Variants in ANO3 observed in about 807,000 individuals in gnomAD.
ANO3 encodes anoctamin-3.
A neutral mutation model predicts 144.8 loss-of-function variants in ANO3; 99 were observed. The observed-to-expected ratio is 0.68, with a 90% CI of 0.58 to 0.81. ANO3 has a LOEUF of 0.81. Ranked by LOEUF, ANO3 falls within the 30% of genes least tolerant of loss-of-function variation. The pLI is 0.00. For missense variants in ANO3, 905 were observed against 1,202.2 expected (o/e 0.75, Z 3.66); for synonymous variants, 414 against 392.6 (o/e 1.05, Z -0.64).
intron 17 of ANO3, among the ~76,000 whole-genome samples, chr11:26,611,732 G>C (rs61878600): frequency 0.031 from 4,661 of 152,158 alleles, 104 homozygotes; most frequent in Non-Finnish European, 0.049. Context: ...TTGTATTGTA[G>C]TCTGTCTTTC....
chr11:26,642,806 TC>T (rs1590669057), intron 22 of ANO3, among the ~76,000 whole-genome samples: 3 of 149,860 alleles, frequency 2.0e-5, no homozygotes, highest in South Asian at 4.4e-4. Context: ...TCTTTCTTCT[TC>T]TTTTTCCTCC....
chr11:26,232,781 T>C (rs1232936096), intron 1 of ANO3, among the ~76,000 whole-genome samples: 1 of 152,086 alleles, frequency 6.6e-6, no homozygotes, highest in East Asian at 1.9e-4. Flanking sequence ...CATTGACAAA[T>C]GGGATCTAAT....
chr11:26,207,223 CAAT>C (rs1230758301), intron 1 of ANO3, among the ~76,000 whole-genome samples: 1 of 151,830 alleles, frequency 6.6e-6, no homozygotes, highest in African/African-American at 2.4e-5. Flanking sequence ...AAATAGTAAT[CAAT>C]AAAGAAGGCA....
intron 1 of ANO3, among the ~76,000 whole-genome samples, chr11:26,337,583 C>T (rs1855226301): frequency 6.6e-6 from 1 of 152,106 alleles, no homozygotes; most frequent in East Asian, 1.9e-4. Flanking sequence ...ATAATTTAAA[C>T]TCAAACCCTT....
At chr11:26,514,700 A>G (rs993472142) in intron 5 of ANO3, among the ~76,000 whole-genome samples, 4 of 152,102 alleles carry the variant, frequency 2.6e-5, no homozygotes, top group Non-Finnish European at 5.9e-5. Context: ...ATTTCAAACG[A>G]AGGATCTTTG....
At chr11:26,191,523 G>A (rs955216340) in intron 1 of ANO3, among the ~76,000 whole-genome samples, 8 of 151,984 alleles carry the variant, frequency 5.3e-5, no homozygotes, top group African/African-American at 1.4e-4. Flanking sequence ...AATATTTCCC[G>A]AAGCACAACT....
At chr11:26,618,986 A>G (rs546693120) in intron 17 of ANO3, among the ~76,000 whole-genome samples, 5 of 152,344 alleles carry the variant, frequency 3.3e-5, no homozygotes, top group Non-Finnish European at 7.3e-5. Flanking sequence ...TGAAGAATTA[A>G]GCAATCCATT....
chr11:26,611,121 A>C (rs951340441), intron 17 of ANO3, among the ~76,000 whole-genome samples: 1 of 152,052 alleles, frequency 6.6e-6, no homozygotes, highest in African/African-American at 2.4e-5. Flanking sequence ...TTCAAAAGTC[A>C]CTATTGTATT....
upstream of ANO3, among the ~76,000 whole-genome samples, chr11:26,304,779 A>G (rs1854334476): frequency 6.6e-6 from 1 of 152,204 alleles, no homozygotes; most frequent in Non-Finnish European, 1.5e-5. Flanking sequence ...AACATCAGTT[A>G]ATCCATCTTT....
At chr11:26,438,444 C>T (rs554994903) in intron 1 of ANO3, among the ~76,000 whole-genome samples, 23 of 151,486 alleles carry the variant, frequency 1.5e-4, no homozygotes, top group Non-Finnish European at 3.2e-4. Context: ...CAATGGAATC[C>T]CTATCATAAT....
intron 1 of ANO3, among the ~76,000 whole-genome samples, chr11:26,256,523 A>G (rs1364896574): frequency 9.2e-5 from 14 of 152,046 alleles, no homozygotes; most frequent in South Asian, 2.1e-4. Context: ...TACTAACTAT[A>G]TAAGTTAGAC....
At chr11:26,626,179 T>A (rs192090907) in intron 18 of ANO3, among the ~76,000 whole-genome samples, 115 of 152,340 alleles carry the variant, frequency 7.5e-4, no homozygotes, top group African/African-American at 2.4e-3. Flanking sequence ...GATTTCACAA[T>A]GATGTACTTT....
At chr11:26,638,511 G>T (rs1436920386) in intron 20 of ANO3, among the ~76,000 whole-genome samples, 2 of 152,206 alleles carry the variant, frequency 1.3e-5, no homozygotes, top group Non-Finnish European at 2.9e-5. Flanking sequence ...AGGAGACTGG[G>T]GAGATAGGAA....
At chr11:26,281,270 A>G (rs1184394943) in intron 1 of ANO3, among the ~76,000 whole-genome samples, 1 of 152,168 alleles carries the variant, frequency 6.6e-6, no homozygotes, top group Non-Finnish European at 1.5e-5. Flanking sequence ...TATAGTTGGC[A>G]CACAATTTCT....
chr11:26,365,369 C>T (rs1396113290), intron 1 of ANO3, among the ~76,000 whole-genome samples: 1 of 152,196 alleles, frequency 6.6e-6, no homozygotes, highest in South Asian at 2.1e-4. Context: ...CTGGGGGACA[C>T]TGGCCCCCTT....
At chr11:26,429,594 T>A (rs1301134820) in intron 1 of ANO3, among the ~76,000 whole-genome samples, 1 of 152,092 alleles carries the variant, frequency 6.6e-6, no homozygotes, top group East Asian at 1.9e-4. Flanking sequence ...ACCTACCTGT[T>A]AAAAGAATAA....
chr11:26,501,534 C>T (rs1861193969), intron 4 of ANO3, among the ~76,000 whole-genome samples: 1 of 151,518 alleles, frequency 6.6e-6, no homozygotes, highest in Non-Finnish European at 1.5e-5. Context: ...TGCCATGTTA[C>T]AGAGCATGGC....
chr11:26,242,973 C>T (rs1322125085), intron 1 of ANO3, among the ~76,000 whole-genome samples: 1 of 152,134 alleles, frequency 6.6e-6, no homozygotes, highest in Non-Finnish European at 1.5e-5. Context: ...ATATCATCAT[C>T]ACTTAAGGAG....
intron 25 of ANO3, 21 bp from the exon 26 acceptor site, chr11:26,656,355 C>T (rs760052741): frequency 3.9e-6 from 6 of 1,548,816 alleles, no homozygotes; most frequent in Non-Finnish European, 5.3e-6. Context: ...TTGTCATTCT[C>T]TTTGTTTTTG....
Sources: allele counts gnomAD v4.1 joint callset (sites outside exome capture counted in the v4.1 genomes callset), GRCh38; gene constraint gnomAD v4.1.1; transcripts MANE v1.5; gene names NCBI Gene and HGNC (gene_info 2026-07-23, HGNC 2026-07-21).